The following DIAPH3 variants were observed in gnomAD, a reference collection of about 807,000 sequenced individuals.
DIAPH3 encodes the protein protein diaphanous homolog 3.
A neutral mutation model predicts 144.3 loss-of-function variants in DIAPH3; 117 were observed. The ratio of observed to expected loss-of-function variants is 0.81; its 90% confidence interval spans 0.70 to 0.95. DIAPH3 has a LOEUF of 0.95. Ranked by LOEUF, DIAPH3 falls within the 40% of genes least tolerant of loss-of-function variation. DIAPH3 has a pLI of 0.00. For synonymous variants in DIAPH3, 519 were observed against 488.9 expected (o/e 1.06, Z -0.81); for missense variants, 1,421 against 1,412.7 (o/e 1.01, Z -0.09).
At chr13:60,096,584 T>A (rs540784542) in intron 3 of DIAPH3, among the ~76,000 whole-genome samples, 1 of 152,234 alleles carries the variant, frequency 6.6e-6, no homozygotes, top group African/African-American at 2.4e-5. Flanking sequence ...ACTTGAATCA[T>A]TGGACTGTAA....
At chr13:59,874,752 T>C (rs1390146236) in intron 21 of DIAPH3, among the ~76,000 whole-genome samples, 1 of 152,194 alleles carries the variant, frequency 6.6e-6, no homozygotes, top group Non-Finnish European at 1.5e-5. Context: ...AATTAGTTAT[T>C]ACACGTGGTA....
At chr13:60,103,280 G>A (rs554765270) in intron 3 of DIAPH3, among the ~76,000 whole-genome samples, 66 of 152,042 alleles carry the variant, frequency 4.3e-4, no homozygotes, top group Non-Finnish European at 8.1e-4. Context: ...AATTACACAC[G>A]TTAGACTCAA....
chr13:59,782,458 GGGA>G (rs1337006856), intron 25 of DIAPH3, among the ~76,000 whole-genome samples: 1 of 152,186 alleles, frequency 6.6e-6, no homozygotes, highest in Non-Finnish European at 1.5e-5. Flanking sequence ...TCTGGGAAGT[GGGA>G]GGAGGTTGAG....
chr13:59,946,747 G>C (rs2048817264), intron 17 of DIAPH3, among the ~76,000 whole-genome samples: 2 of 151,994 alleles, frequency 1.3e-5, no homozygotes, highest in Non-Finnish European at 2.9e-5. Flanking sequence ...AAAAATGTAA[G>C]TACATAACGG....
chr13:59,667,815 C>T (rs566345985), intron 27 of DIAPH3, among the ~76,000 whole-genome samples: 2 of 152,294 alleles, frequency 1.3e-5, no homozygotes, highest in East Asian at 3.9e-4. Flanking sequence ...TGGTTATTCT[C>T]TGAGAGATGT....
At chr13:59,911,198 T>C (rs9570229) in intron 20 of DIAPH3, among the ~76,000 whole-genome samples, 20,800 of 152,200 alleles carry the variant, frequency 0.14, 1,729 homozygotes, top group East Asian at 0.43. Context: ...ATATATGGCA[T>C]TGGAAATTCT....
chr13:59,741,325 A>G (rs942055804), intron 27 of DIAPH3, among the ~76,000 whole-genome samples: 19 of 152,214 alleles, frequency 1.2e-4, no homozygotes, highest in African/African-American at 4.6e-4. Flanking sequence ...GAAAGAAAAA[A>G]ATTATACTCT....
At chr13:59,934,228 T>C (rs930710105) in intron 17 of DIAPH3, among the ~76,000 whole-genome samples, 16 of 152,302 alleles carry the variant, frequency 1.1e-4, no homozygotes, top group African/African-American at 3.8e-4. Context: ...CCTGGTTAAA[T>C]GTATCTTATG....
intron 17 of DIAPH3, among the ~76,000 whole-genome samples, chr13:59,956,314 CG>C (rs1254063198): frequency 3.3e-5 from 5 of 152,140 alleles, no homozygotes; most frequent in Non-Finnish European, 5.9e-5. Flanking sequence ...ATTTCGTAGG[CG>C]GGCCAGGGCC....
intron 4 of DIAPH3, among the ~76,000 whole-genome samples, chr13:60,048,854 G>A (rs1379604670): frequency 8.9e-6 from 1 of 112,944 alleles, no homozygotes. Flanking sequence ...CACTACTGGT[G>A]GACATATAAA....
Position 59,666,670 on chromosome 13 carries a change from T to C in DIAPH3, c.3496A>G (p.Lys1166Glu). The change falls in exon 28 of 28, where the codon AAG becomes GAG. Residue 1166 changes from lysine (K) to glutamate (E), a missense_variant. By Grantham distance (56) the Lys-to-Glu change is moderately conservative. Coordinates refer to ENST00000400324, the MANE Select transcript of DIAPH3 (RefSeq NM_001042517.2). ...AAAGAGCCAAGAAGTTCCGTTTCCT[T>C]TTTTCTGTTGCTTTCTACATTACAC... ...EACNVESNRK[K>E]ETELLGSFSK... 1 of 1,614,162 alleles carries C rather than the reference T, an allele frequency of 6.2e-7. No homozygotes were observed.
chr13:59,709,972 A>C (rs1409584878), intron 27 of DIAPH3, among the ~76,000 whole-genome samples: 4 of 152,134 alleles, frequency 2.6e-5, no homozygotes, highest in African/African-American at 9.7e-5. Flanking sequence ...GGAAATCATC[A>C]TTCTCAGTAA....
chr13:60,085,730 G>C (rs573074597), intron 4 of DIAPH3, among the ~76,000 whole-genome samples: 2 of 152,074 alleles, frequency 1.3e-5, no homozygotes, highest in Non-Finnish European at 2.9e-5. Context: ...TCCTTCAGAA[G>C]TGTTCCTTCT....
At chr13:59,944,328 A>T (rs188823687) in intron 17 of DIAPH3, among the ~76,000 whole-genome samples, 2 of 152,290 alleles carry the variant, frequency 1.3e-5, no homozygotes, top group East Asian at 3.9e-4. Flanking sequence ...ATGAATGATT[A>T]ACAGGGGACA....
chr13:59,888,163 G>T (rs1238725677), intron 20 of DIAPH3, among the ~76,000 whole-genome samples: 1 of 152,016 alleles, frequency 6.6e-6, no homozygotes, highest in Non-Finnish European at 1.5e-5. Flanking sequence ...ATGACATGGG[G>T]CCTTTGGGGG....
At chr13:59,759,684 T>A (rs1393675799) in intron 27 of DIAPH3, among the ~76,000 whole-genome samples, 1 of 151,832 alleles carries the variant, frequency 6.6e-6, no homozygotes, top group Non-Finnish European at 1.5e-5. Context: ...GTGATGAAAG[T>A]GGCTGGGCAC....
At chr13:59,701,078 T>A (rs2034087145) in intron 27 of DIAPH3, among the ~76,000 whole-genome samples, 1 of 152,212 alleles carries the variant, frequency 6.6e-6, no homozygotes, top group East Asian at 1.9e-4. Flanking sequence ...CATGTATGTA[T>A]ATTTTATAAT....
At chr13:59,762,342 G>A (rs1189596653) in intron 27 of DIAPH3, among the ~76,000 whole-genome samples, 1 of 152,090 alleles carries the variant, frequency 6.6e-6, no homozygotes, top group African/African-American at 2.4e-5. Context: ...TTACAGGCGT[G>A]AGCCACCGCG....
At chr13:59,817,838 A>C (rs1012141215) in intron 24 of DIAPH3, among the ~76,000 whole-genome samples, 62 of 151,916 alleles carry the variant, frequency 4.1e-4, no homozygotes, top group African/African-American at 1.5e-3. Flanking sequence ...ACAAGACCTA[A>C]AGTTAATTAA....
Sources: allele counts gnomAD v4.1 joint callset (sites outside exome capture counted in the v4.1 genomes callset), GRCh38; gene constraint gnomAD v4.1.1; transcripts MANE v1.5; gene names NCBI Gene and HGNC (gene_info 2026-07-23, HGNC 2026-07-21).